The following KDM2B variants were observed in gnomAD, a reference collection of about 807,000 sequenced individuals.
KDM2B encodes the protein lysine demethylase 2B, also known as lysine-specific demethylase 2B.
A neutral mutation model predicts 150.0 loss-of-function variants in KDM2B; 26 were observed. That is an observed-to-expected ratio of 0.17 (90% CI 0.13 to 0.24). The LOEUF is 0.24. Ranked by LOEUF, KDM2B falls within the 10% of genes least tolerant of loss-of-function variation. The pLI, the probability that KDM2B is intolerant of heterozygous loss-of-function variation, is 1.00. For missense variants in KDM2B, 1,265 were observed against 1,816.9 expected (o/e 0.70, Z 5.52); for synonymous variants, 734 against 729.5 (o/e 1.01, Z -0.10).
At chr12:121,434,952 G>T (rs1237385167) in intron 22 of KDM2B, among the ~76,000 whole-genome samples, 2 of 149,996 alleles carry the variant, frequency 1.3e-5, no homozygotes, top group African/African-American at 2.5e-5. Flanking sequence ...GCAAGACTTT[G>T]TGTTGAAAAA....
chr12:121,416,543 T>C, the KDM2B span: 5 of 587,812 alleles, frequency 8.5e-6, no homozygotes, highest in African/African-American at 1.9e-5. Flanking sequence ...AGGGATTATA[T>C]TACTGCTCAA....
intron 2 of KDM2B, among the ~76,000 whole-genome samples, chr12:121,576,668 C>T (rs573567878): frequency 4.6e-5 from 7 of 152,186 alleles, no homozygotes; most frequent in Middle Eastern, 3.2e-3. Context: ...TAATTTCTTT[C>T]CTTCCCCAAT....
intron 6 of KDM2B, chr12:121,535,981 G>A: frequency 1.1e-6 from 1 of 906,990 alleles, no homozygotes; most frequent in Non-Finnish European, 1.3e-6. Flanking sequence ...ATGCACCTTG[G>A]CACCTCCGGA....
intron 12 of KDM2B, among the ~76,000 whole-genome samples, chr12:121,462,781 C>T (rs928017920): frequency 5.9e-5 from 9 of 152,016 alleles, no homozygotes; most frequent in Non-Finnish European, 1.0e-4. Flanking sequence ...CGTGAGCCAC[C>T]GCGCCCGGCT....
At chr12:121,485,601 T>A (rs1243880059) in intron 12 of KDM2B, among the ~76,000 whole-genome samples, 8 of 151,580 alleles carry the variant, frequency 5.3e-5, no homozygotes, top group African/African-American at 1.9e-4. Flanking sequence ...TCAAAAACTT[T>A]CCGTCGGGGG....
chr12:121,430,402 G>A lies in KDM2B; in HGVS notation c.3897C>T (p.Asp1299=). The A allele has an allele frequency of 6.2e-7, 1 of 1,614,086 alleles. No individual in the cohort carries two copies. The change falls in exon 23 of 23, where the codon GAC becomes GAT. Residue 1299 remains aspartate, a synonymous_variant. Coordinates refer to ENST00000377071, the MANE Select transcript of KDM2B (RefSeq NM_032590.5). The surrounding 1 kb of genome is among the most constrained non-coding windows in gnomAD (Gnocchi z 4.4). ...TGGTGACTTGCTTGCAGTACCTCAG[G>A]TCAATATGACAGATGTTTCCACAGC... ...FKRCGNICHI[D]LRYCKQVTKE...
chr12:121,439,712 C>G, intron 22 of KDM2B, 145 bp downstream of exon 22: 1 of 664,954 alleles, frequency 1.5e-6, no homozygotes, highest in East Asian at 2.7e-5. Context: ...TGTTTCCCCC[C>G]TGGACTGGGC....
chr12:121,445,001 C>A, intron 14 of KDM2B: 1 of 465,584 alleles, frequency 2.1e-6, no homozygotes, highest in South Asian at 2.7e-5. Context: ...AAACAAGCAG[C>A]CTGTGTTTGC....
At chr12:121,409,278 C>T in the KDM2B span, among the ~76,000 whole-genome samples, 2 of 152,116 alleles carry the variant, frequency 1.3e-5, no homozygotes, top group African/African-American at 4.8e-5. Flanking sequence ...CAACACTTGG[C>T]CAAAACTTAG....
At position 121,434,373 on chromosome 12, in the gene KDM2B, G is replaced by A. The variant is rs138738964; in HGVS notation, c.3830-3904C>T. Among the ~76,000 whole-genome samples, 276 of 149,656 alleles carry A rather than the reference G, an allele frequency of 1.8e-3. 1 individual carries two copies. Among genetic ancestry groups the A allele is most frequent in the Admixed American group, 4.4e-3 (66 of 15,056 alleles). On this transcript the variant is annotated intron_variant, in intron 22 of 22. Transcript: ENST00000377071. ...CAACATGGCATGGTGGCACACACCT[G>A]TACTCCCAGCTACACAGGAGGCTGA...
intron 4 of KDM2B, among the ~76,000 whole-genome samples, chr12:121,562,668 G>A (rs1555314014): frequency 6.6e-6 from 1 of 151,158 alleles, no homozygotes; most frequent in Admixed American, 6.6e-5. Flanking sequence ...GAGGAGGAAG[G>A]GGGGAGGAAG....
intron 12 of KDM2B, among the ~76,000 whole-genome samples, chr12:121,475,680 G>A (rs1310279403): frequency 6.6e-6 from 1 of 151,320 alleles, no homozygotes; most frequent in Non-Finnish European, 1.5e-5. Context: ...GATTGCTTGA[G>A]CCCAAGAGTT....
chr12:121,439,898 C>T lies in KDM2B; in HGVS notation c.3788G>A (p.Gly1263Asp). ...GGTTAAGGAGTCTCGGGTGGTGGTGCCAACAGCAGTGAGCAGGTTGATAGA... is the reference window on the plus strand; with the variant it reads ...GGTTAAGGAGTCTCGGGTGGTGGTGTCAACAGCAGTGAGCAGGTTGATAGA... ...DQSINLLTAVGTTTRDSLTEI... is the reference protein window; with the variant it reads ...DQSINLLTAVDTTTRDSLTEI... Residue 1263 changes from glycine to aspartate, a missense_variant, in exon 22 of 23, where the codon GGC (glycine) becomes GAC (aspartate). Gly to Asp is a moderately conservative substitution (Grantham distance 94). Around this residue, in one of 11 missense-constraint regions of KDM2B, gnomAD observed 251 missense variants for 397.8 expected, o/e 0.63. Transcript: ENST00000377071. The T allele has an allele frequency of 1.2e-6, 2 of 1,614,156 alleles. No homozygotes were observed. The highest frequency in any genetic ancestry group is 1.7e-6 in the Non-Finnish European group (2 of 1,180,020).
chr12:121,569,701 G>A (rs538068059), intron 4 of KDM2B, among the ~76,000 whole-genome samples: 12 of 152,218 alleles, frequency 7.9e-5, no homozygotes, highest in African/African-American at 2.6e-4. Flanking sequence ...TGCAGTCAGC[G>A]GCCTCCCTCA....
intron 12 of KDM2B, chr12:121,470,394 C>T (rs1880647561): frequency 6.6e-6 from 1 of 152,172 alleles, no homozygotes; most frequent in Non-Finnish European, 1.5e-5. Context: ...CCCTTCACTT[C>T]ACAGGTGAGG....
At chr12:121,478,181 AT>A (rs144867818) in intron 12 of KDM2B, among the ~76,000 whole-genome samples, 3 of 150,746 alleles carry the variant, frequency 2.0e-5, no homozygotes, top group Non-Finnish European at 4.4e-5. Context: ...AGCTTCCAAT[AT>A]TTTTTTTCTT....
At chr12:121,474,962 AC>A (rs1555296495) in intron 12 of KDM2B, among the ~76,000 whole-genome samples, 2 of 152,064 alleles carry the variant, frequency 1.3e-5, no homozygotes, top group Non-Finnish European at 2.9e-5. Flanking sequence ...TCTCAAACAA[AC>A]AGAAAACCAA....
chr12:121,529,133 C>A (rs1887411985), intron 8 of KDM2B, among the ~76,000 whole-genome samples: 1 of 152,200 alleles, frequency 6.6e-6, no homozygotes, highest in Admixed American at 6.5e-5. Flanking sequence ...ACAAGATAAT[C>A]CCTCCATGAT....
chr12:121,458,385 C>G (rs1878593796), intron 12 of KDM2B, among the ~76,000 whole-genome samples: 1 of 151,814 alleles, frequency 6.6e-6, no homozygotes, highest in Non-Finnish European at 1.5e-5. Context: ...AAAAACAAAA[C>G]AAGAATTAAA....
Sources: gnomAD v4.1 joint callset for allele counts (sites outside exome capture counted in the v4.1 genomes callset) on GRCh38, gnomAD v4.1.1 for gene constraint, gnomAD v4.1.1 regional missense constraint, Gnocchi (gnomAD v3.1) non-coding constraint, MANE v1.5 for transcripts, NCBI Gene and HGNC (gene_info 2026-07-23, HGNC 2026-07-21) for gene names.